TRPC7: variants seen among roughly 807,000 people sequenced by gnomAD.
TRPC7 encodes short transient receptor potential channel 7.
A neutral mutation model predicts 90.1 loss-of-function variants in TRPC7; 42 were observed. The ratio of observed to expected loss-of-function variants is 0.47; its 90% confidence interval spans 0.36 to 0.60. TRPC7 has a LOEUF of 0.60. Among genes scored for constraint, TRPC7 ranks in the 20% least tolerant of loss-of-function variants. The probability of loss-of-function intolerance (pLI) is 0.00; values close to 1 mark genes in which losing one functional copy is unlikely to be tolerated. For missense variants in TRPC7, 955 were observed against 1,112.3 expected, an observed-to-expected ratio of 0.86 and a Z score of 2.01; for synonymous variants, 451 against 436.3, an observed-to-expected ratio of 1.03 and a Z score of -0.42.
intron 2 of TRPC7, among the ~76,000 whole-genome samples, chr5:136,321,789 G>T (rs1759207391): frequency 1.3e-5 from 2 of 152,126 alleles, no homozygotes; most frequent in South Asian, 4.1e-4. Flanking sequence ...CCTTACAAAT[G>T]GACTGATGTA....
At chr5:136,364,034 A>T (rs888572948) in intron 1 of TRPC7, among the ~76,000 whole-genome samples, 12 of 152,220 alleles carry the variant, frequency 7.9e-5, no homozygotes, top group Non-Finnish European at 1.3e-4. Flanking sequence ...TGAAATAAAC[A>T]TCTACTACTG....
At chr5:136,226,687 T>C (rs755198710) in intron 8 of TRPC7, among the ~76,000 whole-genome samples, 4 of 152,208 alleles carry the variant, frequency 2.6e-5, no homozygotes, top group Non-Finnish European at 4.4e-5. Flanking sequence ...AGAAATACAT[T>C]GTGAGCCAAA....
intron 2 of TRPC7, among the ~76,000 whole-genome samples, chr5:136,330,103 G>T (rs770060534): frequency 6.6e-5 from 10 of 152,142 alleles, no homozygotes; most frequent in Non-Finnish European, 1.2e-4. Flanking sequence ...AGGGACCTTT[G>T]GGAAGCCCTG....
intron 11 of TRPC7, among the ~76,000 whole-genome samples, chr5:136,215,545 G>A (rs1193303915): frequency 6.6e-6 from 1 of 152,142 alleles, no homozygotes; most frequent in Non-Finnish European, 1.5e-5. Flanking sequence ...AGGAGGGGCC[G>A]GGCGCAGTGG....
chr5:136,323,597 T>C (rs1759263466), intron 2 of TRPC7, among the ~76,000 whole-genome samples: 1 of 152,238 alleles, frequency 6.6e-6, no homozygotes, highest in South Asian at 2.1e-4. Flanking sequence ...AAGATTATTC[T>C]TTCTTCATGT....
rs1760695765 is a variant in TRPC7 at position 136,365,496 on chromosome 5, CGGGGGGAAA to C, written c.-251_-243del. The C allele has an allele frequency of 1.8e-6, 1 of 562,916 alleles. No individual in the cohort carries two copies. Among genetic ancestry groups the C allele is most frequent in the Admixed American group, 3.0e-5 (1 of 33,192 alleles). The allele number at this position is 562,916 out of a possible 1,614,324, so 34.9% of individuals were successfully genotyped here. A position where few individuals can be genotyped will look rare whatever the true frequency, so the allele number is the denominator to read the frequency against. On this transcript the variant is annotated 5_prime_UTR_variant, in exon 1 of 12. Transcript: ENST00000513104. ...ACCGTGTTACCGTCCTTTTCCTAATCGGGGGGAAATTTCCCAGAGAACATGACGGAGAAG... is the reference window on the plus strand; with the variant it reads ...ACCGTGTTACCGTCCTTTTCCTAATCTTTCCCAGAGAACATGACGGAGAAG...
chr5:136,295,128 G>A (rs975228641), intron 3 of TRPC7, among the ~76,000 whole-genome samples: 3 of 151,976 alleles, frequency 2.0e-5, no homozygotes, highest in Non-Finnish European at 4.4e-5. Context: ...TCACACACCG[G>A]GGCCTGTTGT....
At chr5:136,297,772 G>A (rs911497760) in intron 3 of TRPC7, among the ~76,000 whole-genome samples, 1 of 152,122 alleles carries the variant, frequency 6.6e-6, no homozygotes, top group African/African-American at 2.4e-5. Context: ...AATAGTCATA[G>A]GACCTCAAGC....
Position 136,356,842 on chromosome 5 carries a change from G to T in TRPC7, c.546C>A (p.Ile182=), listed in dbSNP as rs1443814369. The T allele has an allele frequency of 1.9e-6, 3 of 1,613,826 alleles. No individual in the cohort carries two copies. The highest frequency in any genetic ancestry group is 2.5e-6 in the Non-Finnish European group (3 of 1,179,932). The stretch of plus-strand genomic sequence containing the variant: ...CGATGCGGGCGCCCTTGAGCAGCAG[G>T]ATGTGCACGATCTCATACTCCTGGC... ...AHCQEYEIVH[I]LLLKGARIER... is the part of the protein sequence containing the mutation. The change falls in exon 2 of 12, where the codon ATC becomes ATA. Residue 182 remains isoleucine, a synonymous_variant. Transcript: ENST00000513104.
chr5:136,233,771 G>A (rs1425224767), intron 7 of TRPC7, among the ~76,000 whole-genome samples: 2 of 152,202 alleles, frequency 1.3e-5, no homozygotes, highest in African/African-American at 4.8e-5. Flanking sequence ...CACAAATGAA[G>A]TGAGCGATTA....
chr5:136,277,592 CA>C (rs1757407361), intron 3 of TRPC7, among the ~76,000 whole-genome samples: 1 of 152,086 alleles, frequency 6.6e-6, no homozygotes, highest in South Asian at 2.1e-4. Flanking sequence ...CAACAGGACA[CA>C]AAGAAAACTC....
intron 3 of TRPC7, among the ~76,000 whole-genome samples, chr5:136,292,096 A>G (rs1757979202): frequency 6.6e-6 from 1 of 152,252 alleles, no homozygotes; most frequent in Non-Finnish European, 1.5e-5. Context: ...GAAACCAATG[A>G]GAACAAAGAC....
intron 1 of TRPC7, among the ~76,000 whole-genome samples, chr5:136,363,920 C>G (rs1382650793): frequency 6.6e-6 from 1 of 152,002 alleles, no homozygotes; most frequent in African/African-American, 2.4e-5. Context: ...CCAGGTGGAG[C>G]TGAAACAAGT....
chr5:136,275,510 C>T (rs1012356276), intron 3 of TRPC7, among the ~76,000 whole-genome samples: 1 of 152,104 alleles, frequency 6.6e-6, no homozygotes, highest in African/African-American at 2.4e-5. Context: ...GGCTTGAATC[C>T]AGTTTTTTTG....
chr5:136,361,726 G>A (rs1320496047), intron 1 of TRPC7, among the ~76,000 whole-genome samples: 1 of 152,092 alleles, frequency 6.6e-6, no homozygotes, highest in African/African-American at 2.4e-5. Flanking sequence ...ACTGGATATA[G>A]AACCAAACAG....
chr5:136,335,903 CAAAAAAAAA>C (rs869287763), intron 2 of TRPC7, among the ~76,000 whole-genome samples: 10 of 38,680 alleles, frequency 2.6e-4, no homozygotes, highest in Non-Finnish European at 4.3e-4. Flanking sequence ...GACTCCGTCT[CAAAAAAAAA>C]AAAAAAAAAA....
intron 2 of TRPC7, among the ~76,000 whole-genome samples, chr5:136,350,350 G>C (rs1760151171): frequency 6.6e-6 from 1 of 152,078 alleles, no homozygotes. Flanking sequence ...TGCCCTCCAG[G>C]GCCTGCCCCT....
At chr5:136,241,336 T>C (rs984162488) in intron 7 of TRPC7, among the ~76,000 whole-genome samples, 2 of 152,248 alleles carry the variant, frequency 1.3e-5, no homozygotes, top group African/African-American at 4.8e-5. Flanking sequence ...TGGGCTGAGA[T>C]GATCTTTTGA....
chr5:136,354,948 G>A (rs2149860233), intron 2 of TRPC7, among the ~76,000 whole-genome samples: 1 of 152,162 alleles, frequency 6.6e-6, no homozygotes, highest in East Asian at 1.9e-4. Context: ...TCTCCTTTGA[G>A]CCCTCCCTGA....
Sources: gnomAD v4.1 joint callset for allele counts (sites outside exome capture counted in the v4.1 genomes callset) on GRCh38, gnomAD v4.1.1 for gene constraint, MANE v1.5 for transcripts, NCBI Gene and HGNC (gene_info 2026-07-23, HGNC 2026-07-21) for gene names.